The following PTPA variants were observed in gnomAD, a reference collection of about 807,000 sequenced individuals.
The protein encoded by PTPA is serine/threonine-protein phosphatase 2A activator.
PTPA carries 13 observed loss-of-function variants against 43.6 expected under a neutral mutation model. That is an observed-to-expected ratio of 0.30 (90% confidence interval 0.19 to 0.47). The LOEUF (loss-of-function observed/expected upper bound fraction) is 0.47. PTPA is among the 20% of genes least tolerant of loss of function. PTPA has a pLI of 0.99. For synonymous variants in PTPA, 172 were observed against 158.2 expected, an observed-to-expected ratio of 1.09 and a Z score of -0.66; for missense variants, 329 against 411.9, an observed-to-expected ratio of 0.80 and a Z score of 1.74.
chr9:129,140,409 C>T (rs894064650), intron 8 of PTPA, among the ~76,000 whole-genome samples: 1 of 152,214 alleles, frequency 6.6e-6, no homozygotes, highest in African/African-American at 2.4e-5. Context: ...GGCCTGGGGG[C>T]AGCCTGCAGC....
chr9:129,130,099 G>A lies in PTPA; in HGVS notation c.342+989G>A, dbSNP rs191736518. Among the ~76,000 whole-genome samples, 127 of 152,270 alleles carry A rather than the reference G, an allele frequency of 8.3e-4. 1 individual carries two copies. Among genetic ancestry groups the A allele is most frequent in the African/African-American group, 2.9e-3 (121 of 41,566 alleles). The stretch of plus-strand genomic sequence containing the variant: ...TCTATTGAACTGATCCTCTACTGAT[G>A]TTTTTATTTTTGAATCTTACGAAGG... On this transcript the variant is annotated intron_variant, in intron 4 of 9. Transcript: ENST00000393370.
chr9:129,133,107 G>T (rs917076481), intron 5 of PTPA, among the ~76,000 whole-genome samples: 3 of 152,188 alleles, frequency 2.0e-5, no homozygotes, highest in African/African-American at 7.2e-5. Flanking sequence ...ATAGAGAAGG[G>T]AGGCGTTCTC....
intron 4 of PTPA, among the ~76,000 whole-genome samples, chr9:129,129,790 A>G (rs2131584088): frequency 6.6e-6 from 1 of 152,238 alleles, no homozygotes; most frequent in East Asian, 1.9e-4. Flanking sequence ...TTTTTTTCAT[A>G]GCTGGGCACG....
Position 129,129,097 on chromosome 9 carries a change from C to T in PTPA, c.329C>T (p.Ala110Val). 6.2e-7 allele frequency: 1 copy of T among 1,612,206 alleles called. No individual in the cohort carries two copies. The highest frequency in any genetic ancestry group is 8.5e-7 in the Non-Finnish European group (1 of 1,179,954). Reference sequence around the variant, plus strand: ...AATAAGGCATACAGGACCTGGTATGCCAAACTTGATGAGGTGAGGCTGCCA... The same window carrying T: ...AATAAGGCATACAGGACCTGGTATGTCAAACTTGATGAGGTGAGGCTGCCA... ...FGNKAYRTWY[A>V]KLDEEAENLV... Residue 110 changes from alanine (A) to valine (V), a missense_variant, in exon 4 of 10, where the codon GCC (alanine) becomes GTC (valine). Physicochemically the swap from Ala to Val is moderately conservative, Grantham distance 64 (BLOSUM62 0). Coordinates refer to ENST00000393370, the MANE Select transcript of PTPA (RefSeq NM_178000.3).
intron 5 of PTPA, among the ~76,000 whole-genome samples, chr9:129,133,589 G>C (rs976126960): frequency 2.0e-5 from 3 of 152,230 alleles, no homozygotes; most frequent in Admixed American, 2.0e-4. Context: ...TTCAATCACA[G>C]TCCAGTGAGT....
chr9:129,122,838 G>A (rs1433805286), intron 2 of PTPA, among the ~76,000 whole-genome samples: 7 of 152,218 alleles, frequency 4.6e-5, no homozygotes, highest in Non-Finnish European at 5.9e-5. Flanking sequence ...GGAGATCAGC[G>A]TGTTGCTGTG....
chr9:129,121,530 C>G (rs925517803), intron 2 of PTPA, among the ~76,000 whole-genome samples: 1 of 152,226 alleles, frequency 6.6e-6, no homozygotes, highest in Non-Finnish European at 1.5e-5. Flanking sequence ...TCAGTCCTTT[C>G]ATCATCTTGG....
intron 3 of PTPA, among the ~76,000 whole-genome samples, chr9:129,125,941 G>A (rs1849547683): frequency 6.6e-6 from 1 of 152,094 alleles, no homozygotes; most frequent in African/African-American, 2.4e-5. Context: ...GAGGTCAGGA[G>A]TTCAAGACCA....
intron 1 of PTPA, among the ~76,000 whole-genome samples, chr9:129,112,287 G>T (rs1323270829): frequency 6.6e-6 from 1 of 152,170 alleles, no homozygotes; most frequent in African/African-American, 2.4e-5. Context: ...TAAATAACTG[G>T]GATGGAGGTG....
upstream of PTPA, chr9:129,111,004 G>A (rs984714976): frequency 7.3e-7 from 1 of 1,370,846 alleles, no homozygotes; most frequent in African/African-American, 1.5e-5. Flanking sequence ...TCTCTCCCCT[G>A]TCCCCACATG....
intron 1 of PTPA, among the ~76,000 whole-genome samples, chr9:129,116,371 A>AGAGACAGG (rs1848867232): frequency 7.5e-6 from 1 of 133,224 alleles, no homozygotes; most frequent in Admixed American, 7.9e-5. Flanking sequence ...TATTTTTAGT[A>AGAGACAGG]GAGACAGGGT....
chr9:129,111,737 G>A (rs1313695447), intron 1 of PTPA, 106 bp downstream of exon 1: 24 of 1,240,548 alleles, frequency 1.9e-5, no homozygotes, highest in Non-Finnish European at 2.3e-5. Flanking sequence ...GAACTGGAGG[G>A]GCAAAAGCTG....
chr9:129,117,768 C>T lies in PTPA; in HGVS notation c.32-2745C>T, dbSNP rs1033180411. Among the ~76,000 whole-genome samples, 10 of 151,182 alleles carry T rather than the reference C, an allele frequency of 6.6e-5. 1 individual carries two copies. The highest frequency in any genetic ancestry group is 2.4e-4 in the African/African-American group (10 of 41,196). ...GCTGGAGTGCAGTGGAACGGTCCAG[C>T]TCACTGCAAGCTCTGCCTCCCCAGT... On this transcript the variant is annotated intron_variant, in intron 1 of 9. Coordinates refer to ENST00000393370, the MANE Select transcript of PTPA (RefSeq NM_178000.3).
intron 2 of PTPA, 138 bp from the exon 3 acceptor site, chr9:129,122,914 C>G: frequency 1.1e-5 from 7 of 655,062 alleles, no homozygotes; most frequent in South Asian, 1.0e-4. Flanking sequence ...TCTGCTTCTC[C>G]TGCTATTGGG....
chr9:129,134,774 C>T, intron 5 of PTPA, 21 bp from the exon 6 acceptor site: 2 of 1,589,690 alleles, frequency 1.3e-6, no homozygotes, highest in Non-Finnish European at 1.7e-6. Flanking sequence ...ACTGTCAACG[C>T]TGGTTGTTTT....
At chr9:129,128,197 C>T (rs1849707654) in intron 3 of PTPA, 1 of 459,856 alleles carries the variant, frequency 2.2e-6, no homozygotes, top group African/African-American at 2.1e-5. Context: ...CCATGCTAAA[C>T]CATGTAAAAC....
At chr9:129,118,437 C>T (rs1265996162) in intron 1 of PTPA, among the ~76,000 whole-genome samples, 3 of 151,984 alleles carry the variant, frequency 2.0e-5, no homozygotes, top group Admixed American at 1.3e-4. Context: ...TGCGATGGCA[C>T]GATCTTGGCT....
intron 8 of PTPA, among the ~76,000 whole-genome samples, chr9:129,138,924 G>A (rs1455950042): frequency 6.6e-6 from 1 of 152,238 alleles, no homozygotes; most frequent in African/African-American, 2.4e-5. Context: ...CCAAGGTCGG[G>A]AGGACTTGGG....
intron 1 of PTPA, chr9:129,111,838 G>T (rs1848519004): frequency 2.5e-6 from 3 of 1,203,376 alleles, no homozygotes; most frequent in South Asian, 8.5e-5. Flanking sequence ...GCTGCAAAGG[G>T]GTGGTGATTG....
Sources: gnomAD v4.1 joint callset for allele counts (sites outside exome capture counted in the v4.1 genomes callset) on GRCh38, gnomAD v4.1.1 for gene constraint, MANE v1.5 for transcripts, NCBI Gene and HGNC (gene_info 2026-07-23, HGNC 2026-07-21) for gene names.